The following DNM1L variants were observed in gnomAD, a reference collection of about 807,000 sequenced individuals.
DNM1L encodes the protein dynamin 1L.
In DNM1L, 33 loss-of-function variants were observed where a neutral mutation model predicts 92.8. The ratio of observed to expected loss-of-function variants is 0.36; its 90% CI spans 0.27 to 0.48. DNM1L has a LOEUF of 0.48. Among genes scored for constraint, DNM1L ranks in the 20% least tolerant of loss-of-function variants. The pLI, the probability that DNM1L is intolerant of heterozygous loss-of-function variation, is 0.99. For missense variants in DNM1L, 485 were observed against 888.8 expected (o/e 0.55, Z 5.78); for synonymous variants, 284 against 305.0 (o/e 0.93, Z 0.72).
intron 1 of DNM1L, among the ~76,000 whole-genome samples, chr12:32,694,049 A>G (rs11052177): frequency 0.14 from 21,515 of 152,032 alleles, 1,564 homozygotes; most frequent in Middle Eastern, 0.19. Flanking sequence ...AAACAGCCAC[A>G]TAATCTACTT....
intron 1 of DNM1L, among the ~76,000 whole-genome samples, chr12:32,700,132 T>G (rs556000968): frequency 4.0e-5 from 6 of 148,292 alleles, no homozygotes; most frequent in African/African-American, 1.5e-4. Context: ...AGCTATTTCT[T>G]TTTTTTGAGA....
At chr12:32,726,905 A>G in intron 9 of DNM1L, 1 of 681,736 alleles carries the variant, frequency 1.5e-6, no homozygotes, top group Non-Finnish European at 2.7e-6. Flanking sequence ...TACTGGGTTC[A>G]AATTGAAATT....
rs1471465677 is a variant in DNM1L at position 32,718,115 on chromosome 12, T to C, written c.620-528T>C. Among the ~76,000 whole-genome samples, 17 of 139,608 alleles carry C rather than the reference T, an allele frequency of 1.2e-4. 1 individual carries two copies. The Admixed American group carries it at 1.4e-3, about 11-fold the overall frequency. 91.6% of individuals were successfully genotyped at this position (139,608 alleles called of 152,430 possible). On this transcript the variant is annotated intron_variant, in intron 6 of 19. Coordinates refer to ENST00000549701, the MANE Select transcript of DNM1L (RefSeq NM_012062.5). The stretch of plus-strand genomic sequence containing the variant: ...ATATATACTATATATATTTTATATA[T>C]AATATAGTATATATATTTTATATGT...
chr12:32,696,461 G>A (rs901088365), intron 1 of DNM1L, among the ~76,000 whole-genome samples: 4 of 151,834 alleles, frequency 2.6e-5, no homozygotes, highest in Admixed American at 2.0e-4. Flanking sequence ...CACACGCTGG[G>A]TGTGGTGGTG....
At chr12:32,692,966 G>A (rs920585538) in intron 1 of DNM1L, 7 of 152,140 alleles carry the variant, frequency 4.6e-5, no homozygotes, top group African/African-American at 9.7e-5. Context: ...AAATTTGTGT[G>A]TTCCCCAGTG....
rs71447614 is a variant in DNM1L, at chr12:32,686,937, C to CTTT, written c.102+7489_102+7491dup. On this transcript the variant is annotated intron_variant, in intron 1 of 19. Transcript: ENST00000549701. ...TGAGGTTGTAAGAGTTCTTTTTTTT[C>CTTT]TTTTTTTTTTTTTTTTTTTGAGATG... Among the ~76,000 whole-genome samples, 273 of 95,592 alleles carry CTTT rather than the reference C, an allele frequency of 2.9e-3. 10 individuals carry two copies. The highest frequency in any genetic ancestry group is 0.01 in the African/African-American group (244 of 23,432). The allele number at this position is 95,592 out of a possible 152,430, so 62.7% of individuals were successfully genotyped here. A position where few individuals can be genotyped will look rare whatever the true frequency, so the allele number is the denominator to read the frequency against.
At chr12:32,720,329 T>A (rs1953747353) in intron 7 of DNM1L, among the ~76,000 whole-genome samples, 1 of 152,218 alleles carries the variant, frequency 6.6e-6, no homozygotes, top group South Asian at 2.1e-4. Context: ...TACTCTTATA[T>A]TTTTATACCT....
chr12:32,727,493 A>T, intron 9 of DNM1L: 39 of 492,290 alleles, frequency 7.9e-5, no homozygotes, highest in Middle Eastern at 6.0e-4. Flanking sequence ...CTGCAAGCAG[A>T]TGGCGCTAAA....
At chr12:32,738,394 C>A in intron 16 of DNM1L, 98 bp downstream of exon 16, 2 of 1,288,998 alleles carry the variant, frequency 1.6e-6, no homozygotes, top group Non-Finnish European at 2.3e-6. Context: ...GTAGTGGTAT[C>A]TATCTCTTGT....
chr12:32,737,040 C>A, intron 13 of DNM1L, 65 bp from the exon 14 acceptor site: 1 of 1,568,388 alleles, frequency 6.4e-7, no homozygotes, highest in Non-Finnish European at 8.7e-7. Flanking sequence ...TTAACATGAA[C>A]ATTTTTTAGT....
At chr12:32,720,514 G>A in intron 7 of DNM1L, 150 bp from the exon 8 acceptor site, 1 of 1,182,334 alleles carries the variant, frequency 8.5e-7, no homozygotes, top group Non-Finnish European at 1.2e-6. Context: ...ATACAATGGG[G>A]TAATAATACC....
chr12:32,719,865 A>G (rs958760422), intron 7 of DNM1L, among the ~76,000 whole-genome samples: 1 of 152,182 alleles, frequency 6.6e-6, no homozygotes, highest in African/African-American at 2.4e-5. Context: ...ACATTTAACC[A>G]AAAGTCACGT....
At chr12:32,717,451 A>G (rs1425756910) in intron 6 of DNM1L, among the ~76,000 whole-genome samples, 1 of 98,700 alleles carries the variant, frequency 1.0e-5, no homozygotes, top group Admixed American at 1.5e-4. Flanking sequence ...AATATATACT[A>G]TATATATTTT....
Position 32,696,706 on chromosome 12 carries a change from C to G in DNM1L, c.103-4709C>G, listed in dbSNP as rs531405675. On this transcript the variant is annotated intron_variant, in intron 1 of 19. Transcript: ENST00000549701. Reference sequence around the variant, plus strand: ...ATGGCGTGATCTCGGCTCACTGCAACCTCCGCCTCCCGGGTTCAAGTGATT... The same window carrying G: ...ATGGCGTGATCTCGGCTCACTGCAAGCTCCGCCTCCCGGGTTCAAGTGATT... 4.0e-5 allele frequency among the ~76,000 whole-genome samples: 6 copies of G among 151,400 alleles called. No homozygotes were observed. The South Asian group carries it at 1.3e-3, about 32-fold the overall frequency.
intron 13 of DNM1L, among the ~76,000 whole-genome samples, chr12:32,735,722 T>C (rs1954824427): frequency 6.6e-6 from 1 of 151,714 alleles, no homozygotes; most frequent in Non-Finnish European, 1.5e-5. Context: ...CTACTAAAAA[T>C]AGAAAAATTA....
chr12:32,737,907 C>T lies in DNM1L; in HGVS notation c.1639C>T (p.Pro547Ser), dbSNP rs767021397. Residue 547 changes from proline (P) to serine (S), a missense_variant, in exon 15 of 20, where the codon CCC becomes TCC. By Grantham distance (74) the Pro-to-Ser change is moderately conservative (BLOSUM62 -1). Transcript: ENST00000549701. ...TGCTTTGGCACCTGCCTCCCAGGAG[C>T]CCTCCCCCGCTGCTTCTGCTGAGGC... ...PSALAPASQE[P>S]SPAASAEADG... 7 of 1,613,956 alleles carry T rather than the reference C, an allele frequency of 4.3e-6. No individual in the cohort carries two copies. The highest frequency in any genetic ancestry group is 5.9e-6 in the Non-Finnish European group (7 of 1,179,978).
At chr12:32,710,510 C>A (rs1261220880) in intron 4 of DNM1L, among the ~76,000 whole-genome samples, 1 of 151,654 alleles carries the variant, frequency 6.6e-6, no homozygotes, top group Non-Finnish European at 1.5e-5. Context: ...GTCCCAGCTA[C>A]TCAGGAGGCT....
chr12:32,686,552 G>A (rs1211818122), intron 1 of DNM1L, among the ~76,000 whole-genome samples: 2 of 152,248 alleles, frequency 1.3e-5, no homozygotes, highest in South Asian at 4.1e-4. Context: ...CTATTGATGA[G>A]CAATTGGGTT....
chr12:32,705,973 C>T, intron 2 of DNM1L: 1 of 1,014,140 alleles, frequency 9.9e-7, no homozygotes, highest in Non-Finnish European at 1.4e-6. Flanking sequence ...TTTATTTGCC[C>T]ATCCACATTG....
Sources: allele counts gnomAD v4.1 joint callset (sites outside exome capture counted in the v4.1 genomes callset), GRCh38; gene constraint gnomAD v4.1.1; transcripts MANE v1.5; gene names NCBI Gene and HGNC (gene_info 2026-07-23, HGNC 2026-07-21).